Variants in DDHD1 observed in about 807,000 individuals in gnomAD.
DDHD1 encodes the protein phospholipase DDHD1.
DDHD1 carries 49 observed loss-of-function variants against 96.4 expected under a neutral mutation model. That is an observed-to-expected ratio of 0.51 (90% CI 0.40 to 0.64). The LOEUF (loss-of-function observed/expected upper bound fraction) is 0.64, where lower values mean the gene tolerates loss of function less well. Among genes scored for constraint, DDHD1 ranks in the 30% least tolerant of loss-of-function variants. The pLI, the probability that DDHD1 is intolerant of heterozygous loss-of-function variation, is 0.00. For synonymous variants in DDHD1, 442 were observed against 446.5 expected, an observed-to-expected ratio of 0.99 and a Z score of 0.13; for missense variants, 1,106 against 1,161.2, an observed-to-expected ratio of 0.95 and a Z score of 0.69.
intron 1 of DDHD1, among the ~76,000 whole-genome samples, chr14:53,117,782 A>T (rs565662511): frequency 6.6e-6 from 1 of 152,308 alleles, no homozygotes; most frequent in Admixed American, 6.5e-5. Context: ...TCCCTGGCTG[A>T]CAGCTCTGAA....
chr14:53,134,678 T>C (rs559694797), intron 1 of DDHD1, among the ~76,000 whole-genome samples: 6 of 151,808 alleles, frequency 4.0e-5, no homozygotes, highest in Non-Finnish European at 7.4e-5. Flanking sequence ...GCCTGGTATA[T>C]GACAACATAA....
chr14:53,081,708 T>C (rs1885483638), intron 4 of DDHD1, among the ~76,000 whole-genome samples: 1 of 152,230 alleles, frequency 6.6e-6, no homozygotes, highest in East Asian at 1.9e-4. Flanking sequence ...TTGGAAACAC[T>C]ACATCTGCTT....
chr14:53,091,505 A>G (rs555458491), intron 4 of DDHD1, among the ~76,000 whole-genome samples: 100 of 152,310 alleles, frequency 6.6e-4, no homozygotes, highest in African/African-American at 2.1e-3. Flanking sequence ...CTTGCTTTCA[A>G]TGTTAGATTA....
chr14:53,123,115 G>GTTATTATTATTATTATTA (rs139846735), intron 1 of DDHD1, among the ~76,000 whole-genome samples: 2 of 138,456 alleles, frequency 1.4e-5, no homozygotes, highest in East Asian at 2.1e-4. Context: ...GATAATTGCT[G>GTTATTATTATTATTATTA]TTATTATTAT....
At chr14:53,120,291 A>G (rs189656717) in intron 1 of DDHD1, among the ~76,000 whole-genome samples, 4 of 152,344 alleles carry the variant, frequency 2.6e-5, no homozygotes, top group African/African-American at 9.6e-5. Flanking sequence ...TGTTCAACAA[A>G]ATAAAAACGA....
rs768308854 is a variant in DDHD1, at chr14:53,152,442, C to A, written c.657G>T (p.Thr219=). Residue 219 remains threonine, a synonymous_variant, in exon 1 of 13, where the codon ACG becomes ACT. Coordinates refer to ENST00000673822, the MANE Select transcript of DDHD1 (RefSeq NM_001160148.2). ...DRDGDHVCSP[T]GPASSSGEDD... is the part of the protein sequence containing the mutation. ...CTTCTCCGGAACTGGAGGCTGGGCC[C>A]GTGGGGGAGCACACATGGTCGCCGT... 6.2e-7 allele frequency: 1 copy of A among 1,613,434 alleles called. No individual in the cohort carries two copies. The highest frequency in any genetic ancestry group is 8.5e-7 in the Non-Finnish European group (1 of 1,179,912).
chr14:53,052,997 G>GT (rs2139828871), intron 11 of DDHD1: 1 of 150,722 alleles, frequency 6.6e-6, no homozygotes, highest in East Asian at 1.9e-4. Context: ...ACCTAAAAAA[G>GT]TTTTATTCCC....
At chr14:53,137,194 G>C (rs1284288438) in intron 1 of DDHD1, among the ~76,000 whole-genome samples, 1 of 152,222 alleles carries the variant, frequency 6.6e-6, no homozygotes, top group East Asian at 1.9e-4. Context: ...GAAAAGATCA[G>C]TGAAATTCTT....
At chr14:53,091,649 A>G (rs1474675635) in intron 4 of DDHD1, 136 bp downstream of exon 4, 13 of 868,956 alleles carry the variant, frequency 1.5e-5, no homozygotes, top group Non-Finnish European at 1.3e-5. Context: ...TACTTGATCT[A>G]TGACTTAAGA....
At chr14:53,068,935 A>G (rs1884281148) in intron 6 of DDHD1, among the ~76,000 whole-genome samples, 1 of 152,190 alleles carries the variant, frequency 6.6e-6, no homozygotes, top group African/African-American at 2.4e-5. Context: ...CAACTCCAGG[A>G]TTCCCTCCAT....
At chr14:53,096,194 G>A in intron 2 of DDHD1, 1 of 985,268 alleles carries the variant, frequency 1.0e-6, no homozygotes, top group Non-Finnish European at 1.2e-6. Context: ...AGAAGGGAGG[G>A]AGAAGGGAGG....
Position 53,038,059 on chromosome 14 carries a change from G to C in DDHD1, c.*8709C>G, listed in dbSNP as rs1044450669. On this transcript the variant is annotated 3_prime_UTR_variant, in exon 13 of 13. Coordinates refer to ENST00000673822, the MANE Select transcript of DDHD1 (RefSeq NM_001160148.2). ...AAAGGAACATATCTCAAAATAATAA[G>C]AGCCATCTACAACCAACCCACAGAC... 1 of 151,910 alleles carries C rather than the reference G, an allele frequency of 6.6e-6. No homozygotes were observed. The allele number at this position is 151,910 out of a possible 1,614,324, so 9.4% of individuals were successfully genotyped here. A position where few individuals can be genotyped will look rare whatever the true frequency, so the allele number is the denominator to read the frequency against.
intron 7 of DDHD1, among the ~76,000 whole-genome samples, chr14:53,062,509 T>C (rs1171077560): frequency 6.6e-6 from 1 of 151,894 alleles, no homozygotes; most frequent in East Asian, 1.9e-4. Context: ...TTTATACATA[T>C]AACATGTAAA....
At chr14:53,101,963 C>T (rs948388531) in intron 2 of DDHD1, among the ~76,000 whole-genome samples, 9 of 151,796 alleles carry the variant, frequency 5.9e-5, no homozygotes, top group African/African-American at 1.9e-4. Context: ...GAACCATCTA[C>T]TTGTATTTTT....
chr14:53,120,481 G>A (rs1411977175), intron 1 of DDHD1, among the ~76,000 whole-genome samples: 3 of 152,102 alleles, frequency 2.0e-5, no homozygotes, highest in African/African-American at 7.2e-5. Context: ...AAAAGAGCCT[G>A]TATAGCCAAG....
chr14:53,093,774 C>T, intron 2 of DDHD1: 1 of 277,670 alleles, frequency 3.6e-6, no homozygotes, highest in South Asian at 3.8e-5. Flanking sequence ...GCTGACTCTT[C>T]ACTGGGTCTA....
chr14:53,093,189 G>C (rs1413515041), intron 3 of DDHD1, 127 bp downstream of exon 3: 1 of 910,106 alleles, frequency 1.1e-6, no homozygotes, highest in Non-Finnish European at 1.5e-6. Context: ...CATTTAAAAA[G>C]GAATCTGTCA....
At chr14:53,116,208 C>T (rs936286941) in intron 1 of DDHD1, among the ~76,000 whole-genome samples, 3 of 152,184 alleles carry the variant, frequency 2.0e-5, no homozygotes, top group African/African-American at 7.2e-5. Context: ...AATACGGGAG[C>T]ACCCAGATTC....
rs199541849 is a variant in DDHD1 at position 53,113,360 on chromosome 14, C to CT, written c.839-9505dup. ...TATATTTTCTTTTTCTTTTTTTTTT[C>CT]TTTTTAAAAAAAAAAACCCCTGTAC... is the stretch of plus-strand genomic sequence containing the variant. On this transcript the variant is annotated intron_variant, in intron 1 of 12. Coordinates refer to ENST00000673822, the MANE Select transcript of DDHD1 (RefSeq NM_001160148.2). 3.9e-3 allele frequency among the ~76,000 whole-genome samples: 411 copies of CT among 105,984 alleles called. 3 individuals carry two copies. Among genetic ancestry groups the CT allele is most frequent in the African/African-American group, 0.018 (385 of 21,822 alleles). 69.5% of individuals were successfully genotyped at this position (105,984 alleles called of 152,430 possible). A position where few individuals can be genotyped will look rare whatever the true frequency, so the allele number is the denominator to read the frequency against.
Sources: allele counts gnomAD v4.1 joint callset (sites outside exome capture counted in the v4.1 genomes callset), GRCh38; gene constraint gnomAD v4.1.1; transcripts MANE v1.5; gene names NCBI Gene and HGNC (gene_info 2026-07-23, HGNC 2026-07-21).